The following PRDM16 variants were observed in gnomAD, a reference collection of about 807,000 sequenced individuals.
The protein encoded by PRDM16 is PR/SET domain 16.
In PRDM16, 23 loss-of-function variants were observed where a neutral mutation model predicts 110.6. The ratio of observed to expected loss-of-function variants is 0.21; its 90% CI spans 0.15 to 0.29. The LOEUF (loss-of-function observed/expected upper bound fraction) is 0.29, where lower values mean the gene tolerates loss of function less well. Among genes scored for constraint, PRDM16 ranks in the 10% least tolerant of loss-of-function variants. The probability of loss-of-function intolerance (pLI) is 1.00; values close to 1 mark genes in which losing one functional copy is unlikely to be tolerated. For synonymous variants in PRDM16, 799 were observed against 781.8 expected (o/e 1.02, Z -0.37); for missense variants, 1,615 against 1,794.3 (o/e 0.90, Z 1.81).
chr1:3,342,853 G>T (rs1043143113), intron 3 of PRDM16, among the ~76,000 whole-genome samples: 1 of 152,190 alleles, frequency 6.6e-6, no homozygotes, highest in Non-Finnish European at 1.5e-5. Flanking sequence ...GCAGTAGCAT[G>T]CATGGTATGA....
intron 3 of PRDM16, among the ~76,000 whole-genome samples, chr1:3,369,544 T>A (rs902004864): frequency 6.6e-6 from 1 of 152,256 alleles, no homozygotes; most frequent in African/African-American, 2.4e-5. Context: ...GGAGAAAGGA[T>A]GGGCTGATTC....
At chr1:3,114,519 A>C (rs370056474) in intron 1 of PRDM16, among the ~76,000 whole-genome samples, 2,276 of 149,024 alleles carry the variant, frequency 0.015, 53 homozygotes, top group African/African-American at 0.046. Flanking sequence ...CACACACATG[A>C]ACACACGCAC....
chr1:3,189,071 G>A lies in PRDM16; in HGVS notation c.387+2597G>A, dbSNP rs57606993. On this transcript the variant is annotated intron_variant, in intron 2 of 16. Coordinates refer to ENST00000270722, the MANE Select transcript of PRDM16 (RefSeq NM_022114.4). ...GGCCCCGGAGGGAGAAGTGACTTGC[G>A]GGTGACTCCTTCTCTGAGGACTTCT... Among the ~76,000 whole-genome samples the A allele has an allele frequency of 7.0e-3, 1,065 of 152,296 alleles. 12 individuals carry two copies. The highest frequency in any genetic ancestry group is 0.01 in the Non-Finnish European group (696 of 68,036).
At position 3,201,145 on chromosome 1, in the gene PRDM16, C is replaced by G. The variant is rs1638615415; in HGVS notation, c.387+14671C>G. ...CTGAGTTTTGGGAGCATAGACCACG[C>G]TGCCTTCTTTTGAGGAGGACAGGGA... is the stretch of plus-strand genomic sequence containing the variant. On this transcript the variant is annotated intron_variant, in intron 2 of 16. Coordinates refer to ENST00000270722, the MANE Select transcript of PRDM16 (RefSeq NM_022114.4). This position sits in a 1 kb window ranked among gnomAD's most constrained non-coding sequence, Gnocchi z 4.1. 6.6e-6 allele frequency among the ~76,000 whole-genome samples: 1 copy of G among 152,230 alleles called. No individual in the cohort carries two copies. The highest frequency in any genetic ancestry group is 2.4e-5 in the African/African-American group (1 of 41,542).
At chr1:3,363,145 CAAAG>C in intron 3 of PRDM16, among the ~76,000 whole-genome samples, 1 of 152,280 alleles carries the variant, frequency 6.6e-6, no homozygotes. Context: ...GGCAGATGCT[CAAAG>C]TCCTCCAGCC....
intron 3 of PRDM16, among the ~76,000 whole-genome samples, chr1:3,256,806 G>C (rs559210838): frequency 1.3e-5 from 2 of 152,238 alleles, no homozygotes; most frequent in Admixed American, 6.5e-5. Context: ...GCAGTGAGCC[G>C]AGATGGCACC....
Position 3,341,086 on chromosome 1 carries a change from C to G in PRDM16, c.439-44066C>G, listed in dbSNP as rs374469075. Among the ~76,000 whole-genome samples the G allele has an allele frequency of 4.6e-5, 7 of 150,742 alleles. No homozygotes were observed. The South Asian group carries it at 1.2e-3, about 27-fold the overall frequency. On this transcript the variant is annotated intron_variant, in intron 3 of 16. Transcript: ENST00000270722. ...GCCCCCTGAGCCCTCGTTTCTCCCC[C>G]TCTGAGCCCTCGTTTCTCCCCCTCT...
At chr1:3,325,380 G>A (rs911063454) in intron 3 of PRDM16, among the ~76,000 whole-genome samples, 8 of 152,216 alleles carry the variant, frequency 5.3e-5, no homozygotes, top group Non-Finnish European at 7.3e-5. Context: ...GAACGCAGGG[G>A]ATGCCCTTCC....
intron 1 of PRDM16, among the ~76,000 whole-genome samples, chr1:3,095,560 C>T (rs1176451666): frequency 1.3e-5 from 2 of 152,140 alleles, no homozygotes; most frequent in Admixed American, 6.5e-5. Flanking sequence ...GCTGGTCCTC[C>T]CTAGTGCCCC....
intron 3 of PRDM16, among the ~76,000 whole-genome samples, chr1:3,352,871 G>C (rs191610684): frequency 4.6e-4 from 70 of 152,292 alleles, no homozygotes; most frequent in African/African-American, 1.2e-3. Flanking sequence ...GCTAGCTCTC[G>C]GTGGCAGTCA....
chr1:3,249,930 A>T (rs1639886683), intron 3 of PRDM16, among the ~76,000 whole-genome samples: 1 of 152,246 alleles, frequency 6.6e-6, no homozygotes. Flanking sequence ...AGAAGTTTGC[A>T]TCCTTGATTT....
intron 3 of PRDM16, among the ~76,000 whole-genome samples, chr1:3,374,889 G>A (rs1642966089): frequency 6.6e-6 from 1 of 152,218 alleles, no homozygotes; most frequent in Non-Finnish European, 1.5e-5. Context: ...CGGGGGAGCA[G>A]CAGGCACCCA....
intron 3 of PRDM16, among the ~76,000 whole-genome samples, chr1:3,270,767 C>CCAAAGGA (rs1640432236): frequency 1.3e-5 from 2 of 148,504 alleles, no homozygotes; most frequent in African/African-American, 5.1e-5. Context: ...GAGGACAGTC[C>CCAAAGGA]TGGAGGAGGA....
Position 3,396,649 on chromosome 1 carries a change from G to A in PRDM16, c.676+56G>A, listed in dbSNP as rs116653529. 4,679 of 721,064 alleles carry A rather than the reference G, an allele frequency of 6.5e-3. 31 individuals carry two copies. The highest frequency in any genetic ancestry group is 8.1e-3 in the Middle Eastern group (21 of 2,600). The allele number at this position is 721,064 out of a possible 1,614,324, so 44.7% of individuals were successfully genotyped here. On this transcript the variant is annotated intron_variant, in intron 5 of 16. Coordinates refer to ENST00000270722, the MANE Select transcript of PRDM16 (RefSeq NM_022114.4). Reference sequence around the variant, plus strand: ...CCCCTGGGAGCCCCCAGCCAGCCCGGAAGAGGAGCAGATGCCTGGGAGGAC... The same window carrying A: ...CCCCTGGGAGCCCCCAGCCAGCCCGAAAGAGGAGCAGATGCCTGGGAGGAC...
chr1:3,382,394 C>G lies in PRDM16; in HGVS notation c.439-2758C>G, dbSNP rs545196160. ...CTCCCTGGACAGCGTGAGGACCCTT[C>G]CTGCAGCCCCTTTAGGGACCAGGAC... On this transcript the variant is annotated intron_variant, in intron 3 of 16. Transcript: ENST00000270722. The surrounding 1 kb of genome is among the most constrained non-coding windows in gnomAD (Gnocchi z 6.6). 2.6e-5 allele frequency among the ~76,000 whole-genome samples: 4 copies of G among 152,342 alleles called. No homozygotes were observed. The South Asian group carries it at 8.3e-4, about 32-fold the overall frequency.
At chr1:3,253,070 G>A (rs1437522708) in intron 3 of PRDM16, among the ~76,000 whole-genome samples, 7 of 152,138 alleles carry the variant, frequency 4.6e-5, no homozygotes, top group Middle Eastern at 3.4e-3. Flanking sequence ...CAGAATGCTC[G>A]CCAGGCGCCA....
chr1:3,075,062 G>T (rs1327538158), intron 1 of PRDM16, among the ~76,000 whole-genome samples: 1 of 152,244 alleles, frequency 6.6e-6, no homozygotes, highest in East Asian at 1.9e-4. Context: ...TTGGGCTTTT[G>T]CCATCAAATC....
rs758502733 is a variant in PRDM16 at position 3,412,119 on chromosome 1, A to G, written c.1922A>G (p.Lys641Arg). 1 of 1,570,276 alleles carries G rather than the reference A, an allele frequency of 6.4e-7. No individual in the cohort carries two copies. Reference sequence around the variant, plus strand: ...CCTGACAAGGACAAGGGCAAGGGCAAGTCCGCCGAGGGCCAGCCCAAGTTT... The same window carrying G: ...CCTGACAAGGACAAGGGCAAGGGCAGGTCCGCCGAGGGCCAGCCCAAGTTT... ...SDPDKDKGKG[K>R]SAEGQPKFGG... Residue 641 changes from lysine (K) to arginine (R), a missense_variant, in exon 9 of 17, where the codon AAG becomes AGG. Lys to Arg is a conservative substitution (Grantham distance 26). This residue lies in a region of PRDM16 where 772 missense variants were observed against 748.3 expected (regional missense o/e 1.03). Transcript: ENST00000270722.
intron 1 of PRDM16, among the ~76,000 whole-genome samples, chr1:3,085,974 G>A (rs912621886): frequency 6.6e-5 from 10 of 152,282 alleles, no homozygotes; most frequent in Non-Finnish European, 1.2e-4. Context: ...GACAGGGGCT[G>A]CACCTGACCC....
Sources: allele counts gnomAD v4.1 joint callset (sites outside exome capture counted in the v4.1 genomes callset), GRCh38; gene constraint gnomAD v4.1.1; regional missense constraint gnomAD v4.1.1; non-coding constraint Gnocchi (gnomAD v3.1); transcripts MANE v1.5; gene names NCBI Gene and HGNC (gene_info 2026-07-23, HGNC 2026-07-21).